Variants in MORC1 observed in about 807,000 individuals in gnomAD.
MORC1 encodes MORC family CW-type zinc finger protein 1.
MORC1 carries 59 observed loss-of-function variants against 134.9 expected under a neutral mutation model. The observed-to-expected ratio is 0.44, with a 90% CI of 0.35 to 0.54. The LOEUF is 0.54. Ranked by LOEUF, MORC1 falls within the 20% of genes least tolerant of loss-of-function variation. MORC1 has a pLI of 0.00. For missense variants in MORC1, 947 were observed against 1,134.5 expected, an observed-to-expected ratio of 0.83 and a Z score of 2.37; for synonymous variants, 395 against 391.7, an observed-to-expected ratio of 1.01 and a Z score of -0.10.
At chr3:109,039,978 G>A (rs1438617862) in intron 14 of MORC1, among the ~76,000 whole-genome samples, 3 of 152,002 alleles carry the variant, frequency 2.0e-5, no homozygotes, top group African/African-American at 4.8e-5. Flanking sequence ...CATGTAGAGA[G>A]GAAATTAGGA....
intron 3 of MORC1, among the ~76,000 whole-genome samples, 198 bp downstream of exon 3, chr3:109,110,551 G>A (rs1319778058): frequency 6.6e-6 from 1 of 151,912 alleles, no homozygotes; most frequent in Non-Finnish European, 1.5e-5. Context: ...TTTGTAAATG[G>A]GTCCTTTAGC....
intron 8 of MORC1, among the ~76,000 whole-genome samples, chr3:109,092,790 T>C (rs1423118745): frequency 6.6e-6 from 1 of 152,194 alleles, no homozygotes; most frequent in Non-Finnish European, 1.5e-5. Flanking sequence ...TAAATCGCAC[T>C]GGATTAAATT....
intron 14 of MORC1, among the ~76,000 whole-genome samples, chr3:109,049,847 T>C (rs1949780201): frequency 6.6e-6 from 1 of 152,204 alleles, no homozygotes; most frequent in South Asian, 2.1e-4. Flanking sequence ...TCAGGTTTCA[T>C]CTGGCACATT....
chr3:109,018,012 A>C (rs1370814660), intron 17 of MORC1, among the ~76,000 whole-genome samples: 1 of 152,194 alleles, frequency 6.6e-6, no homozygotes, highest in Non-Finnish European at 1.5e-5. Context: ...TGGTGCATAC[A>C]TCTGGGAAGC....
At chr3:109,081,452 ACT>A (rs1950517402) in intron 8 of MORC1, among the ~76,000 whole-genome samples, 1 of 121,494 alleles carries the variant, frequency 8.2e-6, no homozygotes. Flanking sequence ...CAAGAATTAA[ACT>A]TTTTTTTTTT....
intron 7 of MORC1, 51 bp from the exon 8 acceptor site, chr3:109,093,592 G>T: frequency 1.6e-6 from 2 of 1,272,816 alleles, no homozygotes; most frequent in Non-Finnish European, 2.3e-6. Flanking sequence ...TACACTAAAT[G>T]CTAGTCATTG....
chr3:108,974,683 T>C (rs1257740644), intron 24 of MORC1, among the ~76,000 whole-genome samples: 2 of 152,234 alleles, frequency 1.3e-5, no homozygotes, highest in African/African-American at 2.4e-5. Flanking sequence ...GGAACAGGAA[T>C]AGTCCTTCTC....
intron 14 of MORC1, among the ~76,000 whole-genome samples, chr3:109,040,411 G>GAAAGAAAGAAAGA (rs1559912571): frequency 1.2e-4 from 3 of 25,218 alleles, no homozygotes; most frequent in African/African-American, 2.1e-4. Context: ...AGAGAAGGAA[G>GAAAGAAAGAAAGA]GAAGGAAGGA....
intron 14 of MORC1, among the ~76,000 whole-genome samples, chr3:109,048,132 A>C (rs1430732671): frequency 1.3e-5 from 2 of 152,180 alleles, no homozygotes; most frequent in Non-Finnish European, 2.9e-5. Context: ...TAAGACAACC[A>C]ATCTGGTTTT....
intron 4 of MORC1, among the ~76,000 whole-genome samples, chr3:109,102,960 T>C (rs895645362): frequency 6.6e-5 from 10 of 152,188 alleles, no homozygotes; most frequent in African/African-American, 2.2e-4. Flanking sequence ...ACAGTCTTTC[T>C]AAACTTGCTA....
At chr3:109,087,318 T>C (rs898956432) in intron 8 of MORC1, among the ~76,000 whole-genome samples, 25 of 152,218 alleles carry the variant, frequency 1.6e-4, no homozygotes, top group East Asian at 1.9e-4. Context: ...ACTCTATATC[T>C]AGAAAACCCC....
At chr3:109,053,582 C>T (rs1270818114) in intron 14 of MORC1, among the ~76,000 whole-genome samples, 1 of 150,768 alleles carries the variant, frequency 6.6e-6, no homozygotes, top group Non-Finnish European at 1.5e-5. Flanking sequence ...ACTGGGTAAA[C>T]ATGAACATAA....
At chr3:108,979,175 C>T (rs1213151363) in intron 24 of MORC1, among the ~76,000 whole-genome samples, 3 of 151,784 alleles carry the variant, frequency 2.0e-5, no homozygotes, top group African/African-American at 7.3e-5. Flanking sequence ...CTAAAACAAA[C>T]CAAAAAAAAC....
At chr3:108,980,980 C>T (rs574678377) in intron 23 of MORC1, among the ~76,000 whole-genome samples, 82 of 152,152 alleles carry the variant, frequency 5.4e-4, no homozygotes, top group Admixed American at 1.7e-3. Context: ...AGTTTTCAGG[C>T]ATGGGAACAA....
At chr3:109,064,671 A>G (rs973852664) in intron 9 of MORC1, among the ~76,000 whole-genome samples, 3 of 152,178 alleles carry the variant, frequency 2.0e-5, no homozygotes, top group Non-Finnish European at 4.4e-5. Flanking sequence ...TCATAACTGC[A>G]TTGGAGTATT....
chr3:109,011,924 C>A (rs1448062374), intron 17 of MORC1, among the ~76,000 whole-genome samples: 9 of 152,176 alleles, frequency 5.9e-5, no homozygotes, highest in Non-Finnish European at 5.9e-5. Context: ...AATTTCTTAA[C>A]AATGTCTTTT....
chr3:109,114,543 T>G, intron 1 of MORC1, 106 bp from the exon 2 acceptor site: 1 of 932,208 alleles, frequency 1.1e-6, no homozygotes. Flanking sequence ...AGACATCTAG[T>G]GAATTAAGAA....
At chr3:108,960,442 A>T (rs1947049738) in intron 27 of MORC1, among the ~76,000 whole-genome samples, 1 of 152,212 alleles carries the variant, frequency 6.6e-6, no homozygotes, top group South Asian at 2.1e-4. Context: ...CTTTGCAAGT[A>T]TGATCTTGAA....
At chr3:109,005,010 G>A in intron 19 of MORC1, 60 bp downstream of exon 19, 2 of 1,578,148 alleles carry the variant, frequency 1.3e-6, no homozygotes, top group Non-Finnish European at 8.6e-7. Context: ...GCAAAACCTT[G>A]ACTGAATGCT....
Sources: allele counts gnomAD v4.1 joint callset (sites outside exome capture counted in the v4.1 genomes callset), GRCh38; gene constraint gnomAD v4.1.1; transcripts MANE v1.5; gene names NCBI Gene and HGNC (gene_info 2026-07-23, HGNC 2026-07-21).